The following HIVEP2 variants were observed in gnomAD, a reference collection of about 807,000 sequenced individuals.
The protein encoded by HIVEP2 is HIVEP zinc finger 2.
In HIVEP2, 14 loss-of-function variants were observed where a neutral mutation model predicts 180.7. The observed-to-expected ratio is 0.08, with a 90% CI of 0.05 to 0.12. The LOEUF is 0.12. Ranked by LOEUF, HIVEP2 falls within the 10% of genes least tolerant of loss-of-function variation. The pLI, the probability that HIVEP2 is intolerant of heterozygous loss-of-function variation, is 1.00. For missense variants in HIVEP2, 2,579 were observed against 3,008.5 expected, an observed-to-expected ratio of 0.86 and a Z score of 3.34; for synonymous variants, 1,184 against 1,136.4, an observed-to-expected ratio of 1.04 and a Z score of -0.84.
At position 142,773,472 on chromosome 6, in the gene HIVEP2, C is replaced by G; in HGVS notation, c.1267G>C (p.Glu423Gln). The change falls in exon 5 of 10, where the codon GAA (glutamate) becomes CAA (glutamine). Residue 423 changes from glutamate (E) to glutamine (Q), a missense_variant. Glu to Gln is a conservative substitution (Grantham distance 29). Around this residue, in one of 11 missense-constraint regions of HIVEP2, gnomAD observed 47 missense variants for 92.5 expected, o/e 0.51. Coordinates refer to ENST00000367603, the MANE Select transcript of HIVEP2 (RefSeq NM_006734.4). ...PPNTNAKSYE[E>Q]IIFGKYCRLS... Reference sequence around the variant, plus strand: ...CGACAGTATTTTCCAAAGATGATTTCTTCATAAGACTTTGCATTTGTGTTG... The same window carrying G: ...CGACAGTATTTTCCAAAGATGATTTGTTCATAAGACTTTGCATTTGTGTTG... The G allele has an allele frequency of 6.2e-7, 1 of 1,614,226 alleles. No homozygotes were observed. The highest frequency in any genetic ancestry group is 8.5e-7 in the Non-Finnish European group (1 of 1,180,044).
At chr6:142,806,840 T>C (rs1776566400) in intron 2 of HIVEP2, among the ~76,000 whole-genome samples, 1 of 152,174 alleles carries the variant, frequency 6.6e-6, no homozygotes. Context: ...GTATTACTAC[T>C]ATTTTATAGA....
intron 2 of HIVEP2, among the ~76,000 whole-genome samples, chr6:142,821,194 G>C (rs940779449): frequency 1.3e-5 from 2 of 151,728 alleles, no homozygotes; most frequent in African/African-American, 4.8e-5. Flanking sequence ...AAGCCGAACA[G>C]ACTTTGAACC....
intron 1 of HIVEP2, among the ~76,000 whole-genome samples, chr6:142,848,224 A>G (rs1194138489): frequency 1.3e-5 from 2 of 152,258 alleles, no homozygotes; most frequent in African/African-American, 2.4e-5. Flanking sequence ...GATAACTTAA[A>G]GTGGTATGAT....
chr6:142,894,565 A>T (rs1019424275), intron 1 of HIVEP2, among the ~76,000 whole-genome samples: 1 of 152,236 alleles, frequency 6.6e-6, no homozygotes, highest in African/African-American at 2.4e-5. Context: ...AATAATTTTT[A>T]AAAACTTTAA....
chr6:142,764,997 A>G, intron 6 of HIVEP2, 23 bp from the exon 7 acceptor site: 1 of 1,585,028 alleles, frequency 6.3e-7, no homozygotes, highest in Non-Finnish European at 8.6e-7. Flanking sequence ...GAGGGAATCC[A>G]GTGTGTTTTC....
intron 1 of HIVEP2, among the ~76,000 whole-genome samples, chr6:142,908,198 T>C (rs575643913): frequency 6.6e-6 from 1 of 152,234 alleles, no homozygotes; most frequent in Admixed American, 6.5e-5. Context: ...TCTATTTGAA[T>C]GGTGCCCTCA....
chr6:142,872,841 C>T (rs1776327006), intron 1 of HIVEP2, among the ~76,000 whole-genome samples: 1 of 152,104 alleles, frequency 6.6e-6, no homozygotes, highest in South Asian at 2.1e-4. Context: ...TTTTACAATT[C>T]ATAAATTTCC....
At chr6:142,868,646 C>T (rs1001264522) in intron 1 of HIVEP2, among the ~76,000 whole-genome samples, 2 of 152,112 alleles carry the variant, frequency 1.3e-5, no homozygotes. Flanking sequence ...GGGCAAACTA[C>T]AATACTACTT....
intron 1 of HIVEP2, among the ~76,000 whole-genome samples, chr6:142,905,116 T>A (rs997541452): frequency 6.6e-6 from 1 of 152,234 alleles, no homozygotes. Flanking sequence ...TCATTCACTT[T>A]TTAAATCCTT....
intron 1 of HIVEP2, among the ~76,000 whole-genome samples, chr6:142,864,515 T>C (rs1776086856): frequency 6.6e-6 from 1 of 152,162 alleles, no homozygotes; most frequent in South Asian, 2.1e-4. Context: ...AATATTAATA[T>C]GAAAACTGTT....
chr6:142,905,550 G>A (rs1372601905), intron 1 of HIVEP2, among the ~76,000 whole-genome samples: 2 of 152,144 alleles, frequency 1.3e-5, no homozygotes, highest in Admixed American at 1.3e-4. Flanking sequence ...TTTTTCAAGT[G>A]TTTAATAAAT....
chr6:142,851,101 CT>C (rs1469874136), intron 1 of HIVEP2, among the ~76,000 whole-genome samples: 2 of 152,164 alleles, frequency 1.3e-5, no homozygotes, highest in Non-Finnish European at 2.9e-5. Flanking sequence ...CTTTCATATT[CT>C]TTCATAAGTT....
chr6:142,776,413 A>G (rs1211465209), intron 3 of HIVEP2, among the ~76,000 whole-genome samples: 1 of 152,224 alleles, frequency 6.6e-6, no homozygotes, highest in African/African-American at 2.4e-5. Context: ...ATATTATAAA[A>G]ACATCATAGT....
At chr6:142,941,834 G>T (rs773164373) in intron 1 of HIVEP2, among the ~76,000 whole-genome samples, 2 of 152,172 alleles carry the variant, frequency 1.3e-5, no homozygotes, top group Non-Finnish European at 2.9e-5. Context: ...GCATATCATT[G>T]AAATTTTCAG....
intron 2 of HIVEP2, among the ~76,000 whole-genome samples, chr6:142,809,170 T>C (rs1270345107): frequency 1.3e-5 from 2 of 152,034 alleles, no homozygotes; most frequent in African/African-American, 4.8e-5. Context: ...TGGCTGTAAA[T>C]GGACCTACGT....
At chr6:142,815,624 T>C (rs1275477372) in intron 2 of HIVEP2, among the ~76,000 whole-genome samples, 1 of 152,186 alleles carries the variant, frequency 6.6e-6, no homozygotes, top group African/African-American at 2.4e-5. Context: ...TCAGGAAGCC[T>C]AGTCAACTTA....
At chr6:142,781,638 G>A (rs1212036280) in intron 3 of HIVEP2, among the ~76,000 whole-genome samples, 1 of 152,146 alleles carries the variant, frequency 6.6e-6, no homozygotes, top group Non-Finnish European at 1.5e-5. Context: ...AGTGGTAATG[G>A]AACTAAAGGA....
chr6:142,844,356 G>A (rs1332311326), intron 1 of HIVEP2, among the ~76,000 whole-genome samples: 2 of 152,016 alleles, frequency 1.3e-5, no homozygotes, highest in East Asian at 3.9e-4. Context: ...CAAGAAGGAA[G>A]TATTTGAAAG....
chr6:142,799,718 C>A (rs539953587), intron 2 of HIVEP2, among the ~76,000 whole-genome samples: 1 of 152,180 alleles, frequency 6.6e-6, no homozygotes, highest in African/African-American at 2.4e-5. Context: ...TCTGAAACTG[C>A]AATTAAAGTT....
Sources: allele counts gnomAD v4.1 joint callset (sites outside exome capture counted in the v4.1 genomes callset), GRCh38; gene constraint gnomAD v4.1.1; regional missense constraint gnomAD v4.1.1; transcripts MANE v1.5; gene names NCBI Gene and HGNC (gene_info 2026-07-23, HGNC 2026-07-21).